AGBL3: variants seen among roughly 807,000 people sequenced by gnomAD.
AGBL3 encodes AGBL carboxypeptidase 3.
AGBL3 carries 68 observed loss-of-function variants against 94.5 expected under a neutral mutation model. That is an observed-to-expected ratio of 0.72 (90% CI 0.59 to 0.88). The LOEUF (loss-of-function observed/expected upper bound fraction) is 0.88. Among genes scored for constraint, AGBL3 ranks in the 40% least tolerant of loss-of-function variants. The pLI, the probability that AGBL3 is intolerant of heterozygous loss-of-function variation, is 0.00. For missense variants in AGBL3, 934 were observed against 1,103.8 expected (o/e 0.85, Z 2.18); for synonymous variants, 354 against 370.7 (o/e 0.95, Z 0.52).
At chr7:135,040,278 G>A (rs982755599) in intron 8 of AGBL3, among the ~76,000 whole-genome samples, 3 of 152,070 alleles carry the variant, frequency 2.0e-5, no homozygotes, top group East Asian at 3.9e-4. Flanking sequence ...AATCTTTCCC[G>A]GGATTACCAT....
chr7:135,031,565 G>A (rs1398016324), intron 5 of AGBL3, among the ~76,000 whole-genome samples: 3 of 152,130 alleles, frequency 2.0e-5, no homozygotes, highest in Admixed American at 2.0e-4. Context: ...CGTGTATTAT[G>A]TTCTTTTAAA....
chr7:135,078,655 C>G (rs1182884114), intron 13 of AGBL3, among the ~76,000 whole-genome samples: 1 of 152,038 alleles, frequency 6.6e-6, no homozygotes, highest in Non-Finnish European at 1.5e-5. Context: ...TTGCGTCTTT[C>G]TTGATTGGAG....
At chr7:135,063,282 CT>C (rs1205274660) in intron 12 of AGBL3, among the ~76,000 whole-genome samples, 2 of 151,502 alleles carry the variant, frequency 1.3e-5, no homozygotes, top group Non-Finnish European at 2.9e-5. Context: ...CATTTTGTTT[CT>C]TTTTTTAAAA....
chr7:135,090,474 G>A (rs961017356), intron 15 of AGBL3, among the ~76,000 whole-genome samples: 8 of 152,146 alleles, frequency 5.3e-5, no homozygotes, highest in African/African-American at 1.9e-4. Context: ...GTCCTGGGAT[G>A]CACAGCTGCT....
At chr7:135,076,222 T>C (rs182650386) in intron 12 of AGBL3, among the ~76,000 whole-genome samples, 175 bp from the exon 13 acceptor site, 248 of 152,318 alleles carry the variant, frequency 1.6e-3, no homozygotes, top group South Asian at 4.1e-3. Context: ...GTCTTCTCCT[T>C]TCCATCTTTT....
intron 4 of AGBL3, among the ~76,000 whole-genome samples, chr7:135,012,914 AAAAAG>A (rs1434090552): frequency 6.6e-6 from 1 of 152,164 alleles, no homozygotes; most frequent in Non-Finnish European, 1.5e-5. Context: ...GCCAGAAAGA[AAAAAG>A]AAACAATGAA....
Position 135,034,345 on chromosome 7 carries a change from C to A in AGBL3, c.754C>A (p.His252Asn). The A allele has an allele frequency of 6.4e-7, 1 of 1,551,650 alleles. No homozygotes were observed. The highest frequency in any genetic ancestry group is 8.7e-7 in the Non-Finnish European group (1 of 1,146,956). ...LFYSEKEAKAHHIGWQRIGDQ... is the reference protein window; with the variant it reads ...LFYSEKEAKANHIGWQRIGDQ... Reference sequence around the variant, plus strand: ...CTATTCTGAAAAAGAGGCCAAGGCTCATCACATTGGCTGGCAGAGAATAGG... The same window carrying A: ...CTATTCTGAAAAAGAGGCCAAGGCTAATCACATTGGCTGGCAGAGAATAGG... The change falls in exon 7 of 17, where the codon CAT becomes AAT. Residue 252 changes from histidine (H) to asparagine (N), a missense_variant. Physicochemically the swap from His to Asn is moderately conservative, Grantham distance 68. Coordinates refer to ENST00000436302, the MANE Select transcript of AGBL3 (RefSeq NM_178563.4).
chr7:135,017,582 C>T (rs1813951051), intron 5 of AGBL3, among the ~76,000 whole-genome samples: 1 of 152,176 alleles, frequency 6.6e-6, no homozygotes, highest in Non-Finnish European at 1.5e-5. Flanking sequence ...AGAGAAACAA[C>T]TGCCCCACTT....
chr7:135,097,596 C>T (rs1449470831), intron 15 of AGBL3, among the ~76,000 whole-genome samples: 2 of 152,086 alleles, frequency 1.3e-5, no homozygotes, highest in African/African-American at 4.8e-5. Flanking sequence ...AAATGTCTTC[C>T]ATATGTTGTA....
At chr7:135,044,244 TC>T (rs2116553479) in intron 9 of AGBL3, 93 bp downstream of exon 9, 2 of 1,213,950 alleles carry the variant, frequency 1.6e-6, no homozygotes, top group South Asian at 5.8e-5. Flanking sequence ...AATAGTACTT[TC>T]TTCCTATTTA....
chr7:135,073,277 C>A (rs916149986), intron 12 of AGBL3, among the ~76,000 whole-genome samples: 55 of 151,818 alleles, frequency 3.6e-4, no homozygotes, highest in Non-Finnish European at 6.5e-4. Context: ...ACCAGCCTGG[C>A]CAACATAGTG....
At chr7:134,992,074 A>C (rs768798919) in intron 3 of AGBL3, among the ~76,000 whole-genome samples, 1 of 152,270 alleles carries the variant, frequency 6.6e-6, no homozygotes, top group Non-Finnish European at 1.5e-5. Context: ...TATAAGACTT[A>C]TGTTGCCACA....
intron 15 of AGBL3, chr7:135,099,834 G>A (rs551699187): frequency 6.9e-6 from 1 of 144,426 alleles, no homozygotes; most frequent in African/African-American, 2.5e-5. Context: ...TTAAAATCTA[G>A]TTAGATATTT....
At chr7:135,128,717 G>C in intron 16 of AGBL3, 1 of 1,370,010 alleles carries the variant, frequency 7.3e-7, no homozygotes, top group Non-Finnish European at 1.0e-6. Context: ...TTGATTCTCA[G>C]AAAAAAAGTG....
chr7:135,030,613 G>A (rs951823582), intron 5 of AGBL3, among the ~76,000 whole-genome samples: 3 of 151,854 alleles, frequency 2.0e-5, no homozygotes, highest in Non-Finnish European at 4.4e-5. Context: ...GGTTAGTAGG[G>A]GTTTTGCACC....
intron 15 of AGBL3, among the ~76,000 whole-genome samples, chr7:135,108,273 T>C (rs1825067296): frequency 6.6e-6 from 1 of 152,206 alleles, no homozygotes; most frequent in African/African-American, 2.4e-5. Context: ...TAGCTGTTTA[T>C]TATGCTGGCT....
intron 5 of AGBL3, among the ~76,000 whole-genome samples, chr7:135,021,293 C>CTT (rs1198934867): frequency 9.9e-5 from 14 of 140,902 alleles, no homozygotes; most frequent in South Asian, 2.2e-4. Flanking sequence ...CATCATTTTA[C>CTT]TTTTTTTTTT....
At chr7:135,063,282 CTT>C (rs1205274660) in intron 12 of AGBL3, among the ~76,000 whole-genome samples, 1 of 151,502 alleles carries the variant, frequency 6.6e-6, no homozygotes, top group African/African-American at 2.4e-5. Flanking sequence ...CATTTTGTTT[CTT>C]TTTTTAAAAA....
At chr7:135,059,468 T>C (rs919051947) in intron 12 of AGBL3, among the ~76,000 whole-genome samples, 2 of 152,228 alleles carry the variant, frequency 1.3e-5, no homozygotes, top group Non-Finnish European at 2.9e-5. Context: ...AATTATTTCT[T>C]AAAAGCCATA....
Sources: allele counts gnomAD v4.1 joint callset (sites outside exome capture counted in the v4.1 genomes callset), GRCh38; gene constraint gnomAD v4.1.1; transcripts MANE v1.5; gene names NCBI Gene and HGNC (gene_info 2026-07-23, HGNC 2026-07-21).